TMA16: variants seen among roughly 807,000 people sequenced by gnomAD.
The protein encoded by TMA16 is translation machinery associated 16 homolog, also known as translation machinery-associated protein 16.
In TMA16, 26 loss-of-function variants were observed where a neutral mutation model predicts 27.1. The observed-to-expected ratio is 0.96, with a 90% CI of 0.70 to 1.33. The LOEUF is 1.33. Among genes scored for constraint, TMA16 ranks in the 40% most tolerant of loss-of-function variants. The probability of loss-of-function intolerance (pLI) is 0.00; values close to 1 mark genes in which losing one functional copy is unlikely to be tolerated. For missense variants in TMA16, 233 were observed against 241.4 expected (o/e 0.97, Z 0.23); for synonymous variants, 71 against 81.9 (o/e 0.87, Z 0.72).
intron 4 of TMA16, 59 bp downstream of exon 4, chr4:163,514,217 C>G (rs1453232852): frequency 2.1e-5 from 28 of 1,340,720 alleles, no homozygotes; most frequent in Non-Finnish European, 2.8e-5. Flanking sequence ...CAGCCTGGTT[C>G]TTTAAGACAC....
chr4:163,498,397 C>T (rs1426221709), intron 1 of TMA16, among the ~76,000 whole-genome samples: 1 of 151,310 alleles, frequency 6.6e-6, no homozygotes, highest in African/African-American at 2.4e-5. Context: ...ACGCCATTCT[C>T]CTGCCTCAGC....
intron 3 of TMA16, 81 bp downstream of exon 3, chr4:163,512,940 T>C: frequency 9.8e-7 from 1 of 1,023,324 alleles, no homozygotes; most frequent in Non-Finnish European, 1.5e-6. Context: ...TTTACTCTTT[T>C]AGTGAAATAC....
At chr4:163,517,779 T>G (rs2110815443) in intron 6 of TMA16, among the ~76,000 whole-genome samples, 1 of 152,182 alleles carries the variant, frequency 6.6e-6, no homozygotes, top group East Asian at 1.9e-4. Context: ...AAAAAAGAAG[T>G]AACAGCAACA....
intron 1 of TMA16, among the ~76,000 whole-genome samples, chr4:163,500,517 T>C (rs113028781): frequency 0.017 from 2,547 of 152,242 alleles, 65 homozygotes; most frequent in African/African-American, 0.057. Flanking sequence ...GGCCCCATTA[T>C]TTATTACTTG....
At chr4:163,498,223 C>A (rs1475039906) in intron 1 of TMA16, among the ~76,000 whole-genome samples, 1 of 151,692 alleles carries the variant, frequency 6.6e-6, no homozygotes, top group Non-Finnish European at 1.5e-5. Flanking sequence ...ATTATTTATC[C>A]CCCCTTTGGT....
At chr4:163,495,647 A>C (rs549305946) in intron 1 of TMA16, among the ~76,000 whole-genome samples, 1 of 152,276 alleles carries the variant, frequency 6.6e-6, no homozygotes, top group East Asian at 1.9e-4. Context: ...ATTAATTTTT[A>C]ATAAAAGCAA....
chr4:163,499,407 T>A (rs1374176302), intron 1 of TMA16, among the ~76,000 whole-genome samples: 5 of 152,152 alleles, frequency 3.3e-5, no homozygotes, highest in African/African-American at 1.2e-4. Context: ...AATAAGAAAA[T>A]CTTTTCTTCT....
At chr4:163,516,348 C>T (rs1737877027) in intron 5 of TMA16, among the ~76,000 whole-genome samples, 2 of 152,240 alleles carry the variant, frequency 1.3e-5, no homozygotes, top group East Asian at 1.9e-4. Context: ...CTAGATAGAA[C>T]CATCCCCTCT....
At chr4:163,510,514 C>T (rs1040167827) in intron 2 of TMA16, among the ~76,000 whole-genome samples, 12 of 152,126 alleles carry the variant, frequency 7.9e-5, no homozygotes, top group Admixed American at 2.6e-4. Flanking sequence ...GCGTCTTTCA[C>T]GTAGCATAAT....
rs1172135862 is a variant in TMA16 at position 163,515,382 on chromosome 4, G to C, written c.309G>C (p.Gly103=). 1 of 1,614,116 alleles carries C rather than the reference G, an allele frequency of 6.2e-7. No homozygotes were observed. Among genetic ancestry groups the C allele is most frequent in the Non-Finnish European group, 8.5e-7 (1 of 1,180,010 alleles). The stretch of plus-strand genomic sequence containing the variant: ...ATAACAGTATCAGGGACAGGCAGGG[G>C]AGGCGGCACTGTTCCCGGGAGACCG... ...ELHNSIRDRQ[G]RRHCSRETVI... Residue 103 remains glycine, a synonymous_variant, in exon 5 of 7, where the codon GGG becomes GGC. Coordinates refer to ENST00000358572, the MANE Select transcript of TMA16 (RefSeq NM_018352.3).
intron 5 of TMA16, among the ~76,000 whole-genome samples, chr4:163,516,744 A>G (rs141731033): frequency 0.011 from 1,655 of 150,884 alleles, 26 homozygotes; most frequent in African/African-American, 0.037. Flanking sequence ...TTTAAGCAAA[A>G]TTTTTTTTTT....
intron 3 of TMA16, among the ~76,000 whole-genome samples, chr4:163,513,240 ATC>A (rs756149184): frequency 4.1e-4 from 63 of 152,202 alleles, no homozygotes; most frequent in Non-Finnish European, 7.5e-4. Flanking sequence ...TTCAGTTTGT[ATC>A]TCAGTGTCAT....
At chr4:163,507,339 T>C (rs1169583296) in intron 2 of TMA16, among the ~76,000 whole-genome samples, 194 bp downstream of exon 2, 1 of 152,194 alleles carries the variant, frequency 6.6e-6, no homozygotes, top group Non-Finnish European at 1.5e-5. Context: ...AAGTAATTTA[T>C]GTAGCAGTAG....
intron 1 of TMA16, among the ~76,000 whole-genome samples, chr4:163,496,577 A>G (rs1164908750): frequency 1.3e-5 from 2 of 152,100 alleles, no homozygotes; most frequent in East Asian, 1.9e-4. Flanking sequence ...TGCTGCATTA[A>G]AAAGGTTTTT....
chr4:163,495,443 C>G (rs1737535700), intron 1 of TMA16, among the ~76,000 whole-genome samples: 1 of 152,188 alleles, frequency 6.6e-6, no homozygotes, highest in Non-Finnish European at 1.5e-5. Flanking sequence ...GTGTTACCTT[C>G]TTTGAACTTT....
chr4:163,501,090 A>G (rs947859715), intron 1 of TMA16, among the ~76,000 whole-genome samples: 1 of 152,156 alleles, frequency 6.6e-6, no homozygotes, highest in Non-Finnish European at 1.5e-5. Flanking sequence ...CAGGCCAGTC[A>G]CCTTTATTTC....
At chr4:163,518,863 A>C (rs748114903) in intron 6 of TMA16, among the ~76,000 whole-genome samples, 20 of 152,158 alleles carry the variant, frequency 1.3e-4, no homozygotes, top group Non-Finnish European at 2.5e-4. Context: ...ACCTCCTCCA[A>C]AGCCAGAAAC....
Position 163,498,883 on chromosome 4 carries a change from TC to T in TMA16, c.3+4080del, listed in dbSNP as rs142247100. On this transcript the variant is annotated intron_variant, in intron 1 of 6. Transcript: ENST00000358572. ...ATGTTGTCCAGGCTGGTCTCGAACT[TC>T]TGGCTTCAAATGATCTACTCACTTT... Among the ~76,000 whole-genome samples, 1,355 of 152,184 alleles carry T rather than the reference TC, an allele frequency of 8.9e-3. 24 individuals carry two copies. The highest frequency in any genetic ancestry group is 0.031 in the African/African-American group (1,282 of 41,496).
At chr4:163,506,642 C>T (rs928297373) in intron 1 of TMA16, among the ~76,000 whole-genome samples, 1 of 152,152 alleles carries the variant, frequency 6.6e-6, no homozygotes, top group Admixed American at 6.6e-5. Flanking sequence ...TACAATCAAG[C>T]CCCTACTAAT....
Sources: allele counts gnomAD v4.1 joint callset (sites outside exome capture counted in the v4.1 genomes callset), GRCh38; gene constraint gnomAD v4.1.1; transcripts MANE v1.5; gene names NCBI Gene and HGNC (gene_info 2026-07-23, HGNC 2026-07-21).